The following WDSUB1 variants were observed in gnomAD, a reference collection of about 807,000 sequenced individuals.
WDSUB1 encodes the protein WD repeat, SAM and U-box domain-containing protein 1.
In WDSUB1, 49 loss-of-function variants were observed where a neutral mutation model predicts 53.9. That is an observed-to-expected ratio of 0.91 (90% CI 0.72 to 1.15). WDSUB1 has a LOEUF of 1.15. Ranked by LOEUF, WDSUB1 falls within the 50% of genes most tolerant of loss-of-function variation. The pLI, the probability that WDSUB1 is intolerant of heterozygous loss-of-function variation, is 0.00. For missense variants in WDSUB1, 514 were observed against 562.0 expected, an observed-to-expected ratio of 0.91 and a Z score of 0.86; for synonymous variants, 194 against 200.6, an observed-to-expected ratio of 0.97 and a Z score of 0.28.
intron 9 of WDSUB1, among the ~76,000 whole-genome samples, chr2:159,248,751 A>T (rs995763198): frequency 3.9e-5 from 6 of 152,122 alleles, no homozygotes; most frequent in Non-Finnish European, 8.8e-5. Flanking sequence ...GACTACAGGC[A>T]CATGGCACCA....
chr2:159,237,957 T>C (rs1171563107), intron 10 of WDSUB1, among the ~76,000 whole-genome samples: 1 of 152,258 alleles, frequency 6.6e-6, no homozygotes, highest in Non-Finnish European at 1.5e-5. Flanking sequence ...GCCAACTTCC[T>C]TCCATAGGAA....
rs574108832 is a variant in WDSUB1 at position 159,268,840 on chromosome 2, C to A, written c.770+2862G>T. 1.6e-4 allele frequency among the ~76,000 whole-genome samples: 25 copies of A among 152,046 alleles called. No individual in the cohort carries two copies. In the South Asian group the frequency reaches 4.4e-3, roughly 26 times the overall value. On this transcript the variant is annotated intron_variant, in intron 5 of 10. Transcript: ENST00000359774. ...CAGAACTGGAAATCATAAAAAGTGA[C>A]ACCACTGAAAAAAATTGCCAAATAG...
rs1294948113 is a variant in WDSUB1, at chr2:159,275,089, AAG to A, written c.676+455_676+456del. On this transcript the variant is annotated intron_variant, in intron 4 of 10. Coordinates refer to ENST00000359774, the MANE Select transcript of WDSUB1 (RefSeq NM_001128212.3). Reference sequence around the variant, plus strand: ...ACATTCAATTAATGGAAGTTGTAAAAAGAGAGATGAATTAAAGAAATAACATA... The same window carrying A: ...ACATTCAATTAATGGAAGTTGTAAAAAGAGATGAATTAAAGAAATAACATA... 2.0e-5 allele frequency among the ~76,000 whole-genome samples: 3 copies of A among 152,220 alleles called. No homozygotes were observed. The East Asian group carries it at 5.8e-4, about 29-fold the overall frequency.
chr2:159,276,515 T>A, intron 3 of WDSUB1, among the ~76,000 whole-genome samples: 1 of 152,218 alleles, frequency 6.6e-6, no homozygotes, highest in East Asian at 1.9e-4. Flanking sequence ...TTATATTATT[T>A]AGGGAAAGTA....
rs1183497948 is a variant in WDSUB1, at chr2:159,242,800, T to C, written c.1273+5572A>G. Among the ~76,000 whole-genome samples, 2 of 148,110 alleles carry C rather than the reference T, an allele frequency of 1.4e-5. 1 individual carries two copies. The highest frequency in any genetic ancestry group is 5.2e-5 in the African/African-American group (2 of 38,202). ...CCCATTTTTAAAATCGCTTGTCTGT[T>C]TTTCACTAAGCCCGTATTACTTTCA... On this transcript the variant is annotated intron_variant, in intron 10 of 10. Transcript: ENST00000359774.
At chr2:159,251,799 G>A (rs1026612822) in intron 9 of WDSUB1, among the ~76,000 whole-genome samples, 3 of 152,102 alleles carry the variant, frequency 2.0e-5, no homozygotes, top group African/African-American at 4.8e-5. Context: ...CTAAACTAAC[G>A]GATATAAAAA....
chr2:159,261,987 G>A (rs1353148124), intron 5 of WDSUB1, among the ~76,000 whole-genome samples: 1 of 137,816 alleles, frequency 7.3e-6, no homozygotes, highest in Non-Finnish European at 1.5e-5. Flanking sequence ...CTAGAGCCCA[G>A]TTCTGCTTAA....
intron 5 of WDSUB1, among the ~76,000 whole-genome samples, chr2:159,270,681 T>A (rs1227021007): frequency 1.3e-5 from 2 of 152,156 alleles, no homozygotes; most frequent in African/African-American, 4.8e-5. Flanking sequence ...ACATTAAGTG[T>A]GAAAGGCAAA....
intron 10 of WDSUB1, among the ~76,000 whole-genome samples, 179 bp from the exon 11 acceptor site, chr2:159,236,369 T>C (rs889600938): frequency 1.1e-4 from 16 of 152,122 alleles, no homozygotes; most frequent in African/African-American, 3.9e-4. Context: ...AATGCATTGA[T>C]TGGATGGAGA....
chr2:159,251,265 CA>C (rs767633020), intron 9 of WDSUB1, among the ~76,000 whole-genome samples: 4 of 147,888 alleles, frequency 2.7e-5, no homozygotes, highest in South Asian at 2.2e-4. Flanking sequence ...GACTCTGTCT[CA>C]AAAAAAAATT....
chr2:159,245,194 G>T (rs78057537), intron 10 of WDSUB1, among the ~76,000 whole-genome samples: 12,590 of 152,080 alleles, frequency 0.083, 1,160 homozygotes, highest in African/African-American at 0.22. Flanking sequence ...AACAGTAAAA[G>T]AACTAAGTCA....
chr2:159,246,420 AG>A (rs1466548258), intron 10 of WDSUB1, among the ~76,000 whole-genome samples: 1 of 126,994 alleles, frequency 7.9e-6, no homozygotes. Context: ...CAACAGAGCG[AG>A]AGTCTGTCTC....
chr2:159,256,879 T>C (rs2061075879), intron 8 of WDSUB1, among the ~76,000 whole-genome samples: 1 of 152,294 alleles, frequency 6.6e-6, no homozygotes, highest in African/African-American at 2.4e-5. Flanking sequence ...GAAAAATTAG[T>C]ATGGAGTATA....
intron 8 of WDSUB1, among the ~76,000 whole-genome samples, chr2:159,257,477 C>T (rs897023152): frequency 1.3e-5 from 2 of 151,728 alleles, no homozygotes; most frequent in African/African-American, 4.9e-5. Context: ...ACCTCCGCCT[C>T]CCAGGTTCAA....
Position 159,256,569 on chromosome 2 carries a change from G to A in WDSUB1, c.953-194C>T, listed in dbSNP as rs188069566. Among the ~76,000 whole-genome samples the A allele has an allele frequency of 1.3e-3, 198 of 150,452 alleles. 1 individual carries two copies. Among genetic ancestry groups the A allele is most frequent in the East Asian group, 3.9e-3 (20 of 5,150 alleles). ...CACTTGAAGTCAGGAGTTCAAGACC[G>A]GCCTAAGTAACATAGGGAGACCAGT... On this transcript the variant is annotated intron_variant, in intron 8 of 10. Transcript: ENST00000359774.
At chr2:159,280,982 G>A (rs2061652648) in intron 2 of WDSUB1, among the ~76,000 whole-genome samples, 1 of 152,134 alleles carries the variant, frequency 6.6e-6, no homozygotes, top group African/African-American at 2.4e-5. Context: ...AAGATTCCTA[G>A]TTGACAGCTG....
Position 159,235,964 on chromosome 2 carries a change from G to C in WDSUB1, c.*69C>G, listed in dbSNP as rs1030429969. The C allele has an allele frequency of 7.3e-7, 1 of 1,369,334 alleles. No individual in the cohort carries two copies. Among genetic ancestry groups the C allele is most frequent in the Non-Finnish European group, 9.6e-7 (1 of 1,037,594 alleles). The allele number at this position is 1,369,334 out of a possible 1,614,324, so 84.8% of individuals were successfully genotyped here. ...TCCTGTTTTGCTTTTAATAATGTCT[G>C]ATTAGTATTTACCTATAAATCATTC... On this transcript the variant is annotated 3_prime_UTR_variant, in exon 11 of 11. Transcript: ENST00000359774.
At chr2:159,247,943 A>AAATATATATATATAT (rs2060854958) in intron 10 of WDSUB1, among the ~76,000 whole-genome samples, 2 of 86,768 alleles carry the variant, frequency 2.3e-5, no homozygotes, top group Admixed American at 1.4e-4. Context: ...ATATATATAT[A>AAATATATATATATAT]AAATTTGGAT....
Position 159,259,808 on chromosome 2 carries a change from A to G in WDSUB1, c.804+2T>C. 6.6e-7 allele frequency: 1 copy of G among 1,523,278 alleles called. No homozygotes were observed. Among genetic ancestry groups the G allele is most frequent in the Non-Finnish European group, 8.9e-7 (1 of 1,120,602 alleles). The allele number at this position is 1,523,278 out of a possible 1,614,324, so 94.4% of individuals were successfully genotyped here. On this transcript the variant is annotated splice_donor_variant, in intron 6 of 10. Transcript: ENST00000359774. LOFTEE classifies it high-confidence loss of function. ...ATCACCACAAGATTTTTAAATACTT[A>G]CAGTATCATATACTATGACAGACTT...
Sources: gnomAD v4.1 joint callset for allele counts (sites outside exome capture counted in the v4.1 genomes callset) on GRCh38, gnomAD v4.1.1 for gene constraint, MANE v1.5 for transcripts, NCBI Gene and HGNC (gene_info 2026-07-23, HGNC 2026-07-21) for gene names.